SLC17A4: variants seen among roughly 807,000 people sequenced by gnomAD.
SLC17A4 encodes solute carrier family 17 member 4, also known as probable small intestine urate exporter.
SLC17A4 carries 33 observed loss-of-function variants against 52.5 expected under a neutral mutation model. That is an observed-to-expected ratio of 0.63 (90% CI 0.48 to 0.84). SLC17A4 has a LOEUF of 0.84. Ranked by LOEUF, SLC17A4 falls within the 40% of genes least tolerant of loss-of-function variation. The pLI is 0.00. For missense variants in SLC17A4, 585 were observed against 597.1 expected (o/e 0.98, Z 0.21); for synonymous variants, 225 against 216.2 (o/e 1.04, Z -0.36).
chr6:25,767,429 C>T (rs1443706508), intron 2 of SLC17A4, among the ~76,000 whole-genome samples: 1 of 152,056 alleles, frequency 6.6e-6, no homozygotes, highest in Non-Finnish European at 1.5e-5. Flanking sequence ...TTGAGGTAGA[C>T]TCTGTTATTA....
In SLC17A4 at chr6:25,776,849, C is replaced by G. The variant is rs749967046; in HGVS notation, c.1158C>G (p.Pro386=). ...LFPSVILVSL[P]WVRSSHSMTM... ...CATCCGTGATCCTCGTGTCCCTGCCCTGGGTCAGATCCAGCCACAGCATGA... is the reference window on the plus strand; with the variant it reads ...CATCCGTGATCCTCGTGTCCCTGCCGTGGGTCAGATCCAGCCACAGCATGA... The change falls in exon 10 of 12, where the codon CCC becomes CCG. Residue 386 remains proline (P), a synonymous_variant. Coordinates refer to ENST00000377905, the MANE Select transcript of SLC17A4 (RefSeq NM_005495.3). The G allele has an allele frequency of 3.0e-5, 48 of 1,613,874 alleles. No homozygotes were observed. The South Asian group carries it at 4.6e-4, about 16-fold the overall frequency.
Position 25,756,583 on chromosome 6 carries a change from T to C in SLC17A4, c.-37+1802T>C, listed in dbSNP as rs188408781. Among the ~76,000 whole-genome samples, 5 of 152,342 alleles carry C rather than the reference T, an allele frequency of 3.3e-5. 1 individual carries two copies. The highest frequency in any genetic ancestry group is 1.2e-4 in the African/African-American group (5 of 41,586). The stretch of plus-strand genomic sequence containing the variant: ...CATCACGCTGTCCCCACAACAGCAC[T>C]GTCCTCCCTTCACCCTCGGCTGTCT... On this transcript the variant is annotated intron_variant, in intron 1 of 11. Transcript: ENST00000377905.
At chr6:25,770,026 C>G in intron 3 of SLC17A4, 41 bp from the exon 4 acceptor site, 3 of 1,581,784 alleles carry the variant, frequency 1.9e-6, no homozygotes, top group Non-Finnish European at 1.7e-6. Context: ...AACTGTCAAT[C>G]CTTCAACTAA....
rs181022139 is a variant in SLC17A4 at position 25,771,383 on chromosome 6, G to T, written c.706+371G>T. ...GAGTCCAGGAGTTTGAAACCAGCCT[G>T]GCCAACATGGTTAAACCCCGTCTCT... On this transcript the variant is annotated intron_variant, in intron 6 of 11. Coordinates refer to ENST00000377905, the MANE Select transcript of SLC17A4 (RefSeq NM_005495.3). Among the ~76,000 whole-genome samples, 111 of 152,148 alleles carry T rather than the reference G, an allele frequency of 7.3e-4. 1 individual carries two copies. The East Asian group carries it at 0.015, about 21-fold the overall frequency.
intron 1 of SLC17A4, among the ~76,000 whole-genome samples, chr6:25,757,921 C>T (rs771991004): frequency 2.6e-5 from 4 of 152,158 alleles, no homozygotes; most frequent in Non-Finnish European, 4.4e-5. Flanking sequence ...CTTTTGGGGT[C>T]GTGTGGCTTC....
intron 2 of SLC17A4, among the ~76,000 whole-genome samples, chr6:25,762,495 C>T (rs550503052): frequency 2.3e-4 from 35 of 152,276 alleles, no homozygotes; most frequent in Non-Finnish European, 4.1e-4. Flanking sequence ...TATATTACAA[C>T]ATCATGCTTT....
Position 25,770,939 on chromosome 6 carries a change from G to A in SLC17A4, c.633G>A (p.Gly211=), listed in dbSNP as rs760283876. 4 of 1,613,564 alleles carry A rather than the reference G, an allele frequency of 2.5e-6. No individual in the cohort carries two copies. The highest frequency in any genetic ancestry group is 8.5e-7 in the Non-Finnish European group (1 of 1,179,672). Residue 211 remains glycine (G), a synonymous_variant, in exon 6 of 12, where the codon GGG becomes GGA. Transcript: ENST00000377905. ...TTIAGSGSML[G]SFIVLLAGGL... is the part of the protein sequence containing the mutation. ...TCTTCTGTTCAGGGTCAATGCTGGG[G>A]TCCTTCATTGTTCTACTTGCTGGTG...
intron 5 of SLC17A4, 117 bp from the exon 6 acceptor site, chr6:25,770,809 A>G (rs1762418935): frequency 2.5e-6 from 2 of 788,192 alleles, no homozygotes; most frequent in South Asian, 3.1e-5. Flanking sequence ...GAAGGAACCT[A>G]GATAGTTTGG....
At chr6:25,776,980 A>G (rs1375630876) in intron 10 of SLC17A4, 21 bp downstream of exon 10, 10 of 1,590,386 alleles carry the variant, frequency 6.3e-6, no homozygotes, top group Non-Finnish European at 8.6e-6. Context: ...CTTTTGCCTC[A>G]TCCTTTCAGA....
intron 2 of SLC17A4, chr6:25,768,371 T>G (rs958541953): frequency 1.0e-6 from 1 of 985,800 alleles, no homozygotes; most frequent in Admixed American, 6.1e-5. Context: ...GTTGTCAAAC[T>G]AATGTATATG....
intron 1 of SLC17A4, among the ~76,000 whole-genome samples, chr6:25,755,916 C>G (rs1377483846): frequency 6.6e-6 from 1 of 152,198 alleles, no homozygotes; most frequent in East Asian, 1.9e-4. Flanking sequence ...GATGATTCTT[C>G]CCTTTCTCTC....
chr6:25,770,002 G>A, intron 3 of SLC17A4, 65 bp from the exon 4 acceptor site: 1 of 1,470,856 alleles, frequency 6.8e-7, no homozygotes, highest in Non-Finnish European at 9.4e-7. Context: ...TGCCTCTCAA[G>A]TCCTCACAAT....
intron 6 of SLC17A4, among the ~76,000 whole-genome samples, chr6:25,771,357 T>G (rs1762465437): frequency 6.6e-6 from 1 of 152,148 alleles, no homozygotes; most frequent in African/African-American, 2.4e-5. Flanking sequence ...GTGGATCACA[T>G]GAGTCCAGGA....
chr6:25,766,154 AATT>A (rs1291461655), intron 2 of SLC17A4, among the ~76,000 whole-genome samples: 6 of 149,046 alleles, frequency 4.0e-5, no homozygotes, highest in Non-Finnish European at 8.9e-5. Context: ...ATTTTATAGA[AATT>A]ATTATTTCTA....
intron 2 of SLC17A4, among the ~76,000 whole-genome samples, chr6:25,766,120 T>C (rs1427730244): frequency 1.3e-5 from 2 of 150,448 alleles, no homozygotes; most frequent in Non-Finnish European, 3.0e-5. Flanking sequence ...TAAAATTTAA[T>C]ATTTAAAATA....
intron 6 of SLC17A4, 40 bp from the exon 7 acceptor site, chr6:25,773,235 C>T: frequency 7.3e-6 from 11 of 1,497,936 alleles, no homozygotes; most frequent in Non-Finnish European, 1.0e-5. Flanking sequence ...GAAAGAAGTA[C>T]TTCAATCCAT....
At chr6:25,771,272 A>G (rs1194189188) in intron 6 of SLC17A4, among the ~76,000 whole-genome samples, 1 of 152,192 alleles carries the variant, frequency 6.6e-6, no homozygotes, top group African/African-American at 2.4e-5. Flanking sequence ...ATCTCATAAA[A>G]TGTTGAAAAT....
At position 25,778,001 on chromosome 6, in the gene SLC17A4, A is replaced by G. The variant is rs1763078757; in HGVS notation, c.1344A>G (p.Gly448=). ...IAGAISPTAA[G]FFISQDSEFG... is the part of the protein sequence containing the mutation. ...GAGCCATCTCTCCTACTGCTGCTGG[A>G]TTTTTCATCAGTCAGGTGAGGTCAA... Residue 448 remains glycine (G), a synonymous_variant, in exon 11 of 12, where the codon GGA becomes GGG. Coordinates refer to ENST00000377905, the MANE Select transcript of SLC17A4 (RefSeq NM_005495.3). 2.5e-6 allele frequency: 4 copies of G among 1,612,196 alleles called. No individual in the cohort carries two copies. The East Asian group carries it at 8.9e-5, about 36-fold the overall frequency.
rs1049139855 is a variant in SLC17A4, at chr6:25,781,183, A to C, written c.*1995A>C. On this transcript the variant is annotated 3_prime_UTR_variant, in exon 12 of 12. Transcript: ENST00000377905. ...GCTGGAGGATGATTAGCAGAAAGAA[A>C]GAAAGAAAGAAAGAAAGAAAAGAAA... 1.1e-4 allele frequency: 15 copies of C among 138,852 alleles called. No homozygotes were observed. The highest frequency in any genetic ancestry group is 3.8e-4 in the African/African-American group (14 of 36,702). The allele number at this position is 138,852 out of a possible 1,614,324, so 8.6% of individuals were successfully genotyped here.
Sources: allele counts gnomAD v4.1 joint callset (sites outside exome capture counted in the v4.1 genomes callset), GRCh38; gene constraint gnomAD v4.1.1; transcripts MANE v1.5; gene names NCBI Gene and HGNC (gene_info 2026-07-23, HGNC 2026-07-21).